Variants in RARB observed in about 807,000 individuals in gnomAD.
RARB encodes the protein HBV-activated protein.
RARB carries 17 observed loss-of-function variants against 51.9 expected under a neutral mutation model. The ratio of observed to expected loss-of-function variants is 0.33; its 90% CI spans 0.22 to 0.49. The LOEUF is 0.49. RARB is among the 20% of genes least tolerant of loss of function. RARB has a pLI of 0.99. For missense variants in RARB, 369 were observed against 550.8 expected (o/e 0.67, Z 3.30); for synonymous variants, 215 against 195.4 (o/e 1.10, Z -0.84).
intron 4 of RARB, among the ~76,000 whole-genome samples, chr3:25,137,804 C>G (rs572145704): frequency 6.6e-6 from 1 of 152,218 alleles, no homozygotes; most frequent in South Asian, 2.1e-4. Flanking sequence ...GTCCACCCTT[C>G]TAATTCCCAA....
chr3:25,488,191 G>T (rs558910500), intron 2 of RARB, among the ~76,000 whole-genome samples: 3 of 152,232 alleles, frequency 2.0e-5, no homozygotes, highest in African/African-American at 4.8e-5. Flanking sequence ...TGATTTACGG[G>T]GGCCCGGCTC....
At chr3:24,874,511 G>A (rs1038311521) in intron 2 of RARB, among the ~76,000 whole-genome samples, 1 of 151,964 alleles carries the variant, frequency 6.6e-6, no homozygotes. Flanking sequence ...CGTACAGCTT[G>A]TTTTATCTTC....
At chr3:24,835,677 G>A (rs761768993) in intron 1 of RARB, among the ~76,000 whole-genome samples, 4 of 152,198 alleles carry the variant, frequency 2.6e-5, no homozygotes, top group South Asian at 2.1e-4. Context: ...TCTTTATTCT[G>A]TAGTCTGTAG....
intron 3 of RARB, among the ~76,000 whole-genome samples, chr3:25,072,121 C>G (rs1485438661): frequency 6.6e-6 from 1 of 152,140 alleles, no homozygotes; most frequent in African/African-American, 2.4e-5. Flanking sequence ...GATAGTGTGC[C>G]GAATGTCCCT....
chr3:25,172,047 A>G (rs1257041888), intron 4 of RARB, among the ~76,000 whole-genome samples: 1 of 152,200 alleles, frequency 6.6e-6, no homozygotes, highest in Admixed American at 6.5e-5. Flanking sequence ...TTTTAGAATT[A>G]GTGTGTTGTA....
intron 2 of RARB, among the ~76,000 whole-genome samples, chr3:25,048,385 TATG>T (rs916087246): frequency 9.2e-5 from 14 of 152,324 alleles, no homozygotes; most frequent in Admixed American, 2.0e-4. Flanking sequence ...CCATCCAATA[TATG>T]ATATCTTAAT....
chr3:25,321,028 T>G (rs1373473340), intron 5 of RARB, among the ~76,000 whole-genome samples: 1 of 152,248 alleles, frequency 6.6e-6, no homozygotes, highest in Admixed American at 6.5e-5. Flanking sequence ...AAAGGAACTT[T>G]GGGTTTCCCT....
chr3:24,935,385 C>G (rs758934825), intron 2 of RARB, among the ~76,000 whole-genome samples: 2 of 152,158 alleles, frequency 1.3e-5, no homozygotes, highest in African/African-American at 2.4e-5. Flanking sequence ...CACCCACACT[C>G]TCAGACACAC....
chr3:24,905,382 T>TA (rs1239139298), intron 2 of RARB, among the ~76,000 whole-genome samples: 1 of 152,182 alleles, frequency 6.6e-6, no homozygotes, highest in African/African-American at 2.4e-5. Flanking sequence ...AAGACAAAAA[T>TA]ACCTCTGCTT....
intron 4 of RARB, 138 bp from the exon 5 acceptor site, chr3:25,580,408 A>G (rs1014074583): frequency 3.8e-6 from 3 of 781,652 alleles, no homozygotes; most frequent in African/African-American, 1.7e-5. Context: ...CAGGCTAAAA[A>G]AAATGTAGCT....
chr3:25,254,097 T>A (rs322712), intron 5 of RARB, among the ~76,000 whole-genome samples: 81,970 of 151,962 alleles, frequency 0.54, 23,000 homozygotes, highest in African/African-American at 0.7. Flanking sequence ...TACAGACCAA[T>A]CTGTCTAAGA....
intron 1 of RARB, among the ~76,000 whole-genome samples, chr3:25,435,844 C>G (rs1267868349): frequency 6.6e-6 from 1 of 152,178 alleles, no homozygotes; most frequent in Non-Finnish European, 1.5e-5. Context: ...AAACATTTCT[C>G]TGTTGCTTTG....
At chr3:25,076,114 A>G (rs1400974936) in intron 3 of RARB, among the ~76,000 whole-genome samples, 1 of 151,894 alleles carries the variant, frequency 6.6e-6, no homozygotes, top group African/African-American at 2.4e-5. Flanking sequence ...CTTAAATTGA[A>G]TAGTAAGTAG....
rs988276947 is a variant in RARB at position 25,215,737 on chromosome 3, C to T, written c.178+41162C>T. ...GCCTTCTGTCTATGGAAAGGAAACT[C>T]GGAATGAAGGGAGTCATTCAAAAGT... On this transcript the variant is annotated intron_variant, in intron 5 of 11. Transcript: ENST00000383772. 6.6e-5 allele frequency among the ~76,000 whole-genome samples: 10 copies of T among 152,212 alleles called. No homozygotes were observed. In the East Asian group the frequency reaches 1.5e-3, roughly 24 times the overall value.
intron 2 of RARB, among the ~76,000 whole-genome samples, chr3:25,022,746 G>C (rs1250504386): frequency 6.6e-6 from 1 of 152,146 alleles, no homozygotes; most frequent in African/African-American, 2.4e-5. Flanking sequence ...TTAACAAGAT[G>C]ACAATGAGTA....
intron 5 of RARB, among the ~76,000 whole-genome samples, chr3:25,262,767 A>G (rs962588281): frequency 2.6e-5 from 4 of 152,178 alleles, no homozygotes; most frequent in African/African-American, 4.8e-5. Context: ...CCTATATCCT[A>G]TAATGAAGCA....
intron 2 of RARB, among the ~76,000 whole-genome samples, chr3:24,941,221 T>C (rs1174695035): frequency 7.8e-6 from 1 of 127,636 alleles, no homozygotes; most frequent in Non-Finnish European, 1.6e-5. Flanking sequence ...ATAGTGATTA[T>C]TAGGGAAATG....
At chr3:25,360,734 A>C (rs905361622) in intron 5 of RARB, among the ~76,000 whole-genome samples, 3 of 115,010 alleles carry the variant, frequency 2.6e-5, no homozygotes, top group African/African-American at 1.1e-4. Flanking sequence ...TCCTTCACTT[A>C]TAAAGCTTAG....
intron 5 of RARB, among the ~76,000 whole-genome samples, chr3:25,184,138 T>TG (rs997902565): frequency 7.9e-5 from 12 of 151,536 alleles, no homozygotes; most frequent in African/African-American, 2.9e-4. Flanking sequence ...AGTTTGTTGT[T>TG]TTTTTTTTCT....
Sources: allele counts gnomAD v4.1 joint callset (sites outside exome capture counted in the v4.1 genomes callset), GRCh38; gene constraint gnomAD v4.1.1; transcripts MANE v1.5; gene names NCBI Gene and HGNC (gene_info 2026-07-23, HGNC 2026-07-21).